Variants in SH3PXD2A observed in about 807,000 individuals in gnomAD.
SH3PXD2A encodes the protein SH3 and PX domains 2A, also known as SH3 and PX domain-containing protein 2A.
In SH3PXD2A, 32 loss-of-function variants were observed where a neutral mutation model predicts 115.2. The observed-to-expected ratio is 0.28, with a 90% CI of 0.21 to 0.37. SH3PXD2A has a LOEUF of 0.37. Among genes scored for constraint, SH3PXD2A ranks in the 10% least tolerant of loss-of-function variants. The pLI is 1.00. For synonymous variants in SH3PXD2A, 610 were observed against 629.1 expected, an observed-to-expected ratio of 0.97 and a Z score of 0.45; for missense variants, 1,328 against 1,498.7, an observed-to-expected ratio of 0.89 and a Z score of 1.88.
At chr10:103,845,008 C>T (rs1191951458) in intron 1 of SH3PXD2A, among the ~76,000 whole-genome samples, 4 of 152,076 alleles carry the variant, frequency 2.6e-5, no homozygotes, top group Admixed American at 1.3e-4. Flanking sequence ...AGATACAGGT[C>T]ATAAAGACCT....
At chr10:103,764,805 G>T (rs1378029224) in intron 3 of SH3PXD2A, among the ~76,000 whole-genome samples, 1 of 152,166 alleles carries the variant, frequency 6.6e-6, no homozygotes, top group Non-Finnish European at 1.5e-5. Context: ...GACAGCTCTG[G>T]TGTGGGCTGT....
chr10:103,729,269 GC>G (rs1012520139), intron 4 of SH3PXD2A, among the ~76,000 whole-genome samples: 2 of 152,154 alleles, frequency 1.3e-5, no homozygotes, highest in Non-Finnish European at 2.9e-5. Context: ...CCTGCCTCTA[GC>G]TTTACCCACA....
At chr10:103,751,601 C>T (rs907722448) in intron 3 of SH3PXD2A, among the ~76,000 whole-genome samples, 9 of 152,204 alleles carry the variant, frequency 5.9e-5, no homozygotes, top group Non-Finnish European at 1.0e-4. Context: ...GGTTCTTGCT[C>T]TTCAAAATCT....
At chr10:103,685,185 A>G (rs2134114125) in intron 6 of SH3PXD2A, among the ~76,000 whole-genome samples, 1 of 152,094 alleles carries the variant, frequency 6.6e-6, no homozygotes, top group Non-Finnish European at 1.5e-5. Context: ...TAAAAATACA[A>G]AAAATTAGCT....
rs2036140942 is a variant in SH3PXD2A, at chr10:103,596,684, C to CTCTCTT, written c.*5131_*5132insAAGAGA. On this transcript the variant is annotated 3_prime_UTR_variant, in exon 15 of 15. Transcript: ENST00000369774. ...ACACACTCTCTCTCTCTCTCTCTCT[C>CTCTCTT]TCACAACACATGGCCCTCAAAAAAG... 7.3e-6 allele frequency: 1 copy of CTCTCTT among 136,514 alleles called. No homozygotes were observed. Among genetic ancestry groups the CTCTCTT allele is most frequent in the South Asian group, 2.9e-4 (1 of 3,442 alleles). The allele number at this position is 136,514 out of a possible 1,614,324, so 8.5% of individuals were successfully genotyped here.
chr10:103,764,852 C>T (rs1408803973), intron 3 of SH3PXD2A, among the ~76,000 whole-genome samples: 2 of 152,164 alleles, frequency 1.3e-5, no homozygotes, highest in African/African-American at 4.8e-5. Flanking sequence ...AGTCTATTAG[C>T]CTCCCTTGGC....
At chr10:103,608,447 A>AAAAAAAG (rs2036371100) in intron 13 of SH3PXD2A, among the ~76,000 whole-genome samples, 1 of 150,112 alleles carries the variant, frequency 6.7e-6, no homozygotes, top group African/African-American at 2.5e-5. Flanking sequence ...AAAAAAAAAA[A>AAAAAAAG]AAAGAAAAAT....
At chr10:103,605,628 C>T (rs1012867054) in intron 14 of SH3PXD2A, among the ~76,000 whole-genome samples, 170 bp downstream of exon 14, 3 of 152,166 alleles carry the variant, frequency 2.0e-5, no homozygotes, top group Non-Finnish European at 4.4e-5. Flanking sequence ...TAGTTTAGGC[C>T]ATGGCACTGG....
intron 3 of SH3PXD2A, among the ~76,000 whole-genome samples, chr10:103,737,901 G>A (rs1026408246): frequency 1.3e-5 from 2 of 152,236 alleles, no homozygotes; most frequent in African/African-American, 4.8e-5. Flanking sequence ...AGTGGAACGT[G>A]TAACTGCATC....
intron 5 of SH3PXD2A, among the ~76,000 whole-genome samples, chr10:103,723,048 C>T (rs1467339711): frequency 6.6e-6 from 1 of 152,188 alleles, no homozygotes; most frequent in Non-Finnish European, 1.5e-5. Flanking sequence ...ACATATTCTA[C>T]AACCTCATGG....
intron 3 of SH3PXD2A, among the ~76,000 whole-genome samples, chr10:103,745,191 C>G (rs2038487816): frequency 6.6e-6 from 1 of 152,226 alleles, no homozygotes; most frequent in African/African-American, 2.4e-5. Flanking sequence ...TGGGGGAAGC[C>G]TATCAGAGAA....
Position 103,661,073 on chromosome 10 carries a change from C to T in SH3PXD2A, c.514G>A (p.Val172Met), listed in dbSNP as rs754292436. The change falls in exon 8 of 15, where the codon GTG becomes ATG. Residue 172 changes from valine (V) to methionine (M), a missense_variant. By Grantham distance (21) the Val-to-Met change is conservative (BLOSUM62 1). Transcript: ENST00000369774. ...TGCTTCTTATAGTTGGACACCACCA[C>T]GTACTGTTCCAGGATCATGGGCTCG... ...TAEPMILEQY[V>M]VVSNYKKQEN... 5.6e-6 allele frequency: 9 copies of T among 1,614,106 alleles called. No individual in the cohort carries two copies. The highest frequency in any genetic ancestry group is 5.0e-5 in the Admixed American group (3 of 60,030).
chr10:103,646,275 T>C (rs927288541), intron 8 of SH3PXD2A, among the ~76,000 whole-genome samples: 1 of 152,050 alleles, frequency 6.6e-6, no homozygotes, highest in East Asian at 1.9e-4. Flanking sequence ...CCTTCCTGTC[T>C]CTTTTGCCTC....
chr10:103,754,357 C>T (rs2134209032), intron 3 of SH3PXD2A: 1 of 152,286 alleles, frequency 6.6e-6, no homozygotes, highest in Middle Eastern at 3.4e-3. Flanking sequence ...GAGTGTGCCA[C>T]CATGCTTGGC....
chr10:103,756,360 G>A lies in SH3PXD2A; in HGVS notation c.229+10734C>T, dbSNP rs1227549659. 2.0e-5 allele frequency among the ~76,000 whole-genome samples: 3 copies of A among 152,122 alleles called. No homozygotes were observed. Among genetic ancestry groups the A allele is most frequent in the Non-Finnish European group, 4.4e-5 (3 of 68,014 alleles). ...GCGGGATTAGGCCAGGGACACTGTG[G>A]GAGTTTATCTCTTCCAGTGCCCCTC... is the stretch of plus-strand genomic sequence containing the variant. On this transcript the variant is annotated intron_variant, in intron 3 of 14. Transcript: ENST00000369774. The surrounding 1 kb of genome is among the most constrained non-coding windows in gnomAD (Gnocchi z 4.4).
At chr10:103,685,183 CA>C (rs1220282576) in intron 6 of SH3PXD2A, among the ~76,000 whole-genome samples, 1 of 151,770 alleles carries the variant, frequency 6.6e-6, no homozygotes, top group Non-Finnish European at 1.5e-5. Flanking sequence ...ACTAAAAATA[CA>C]AAAAATTAGC....
At chr10:103,653,148 T>C (rs1026562630) in intron 8 of SH3PXD2A, among the ~76,000 whole-genome samples, 1 of 152,202 alleles carries the variant, frequency 6.6e-6, no homozygotes, top group Non-Finnish European at 1.5e-5. Context: ...CTTGGTTTAC[T>C]TGTCACATGT....
chr10:103,752,879 T>G (rs1249666438), intron 3 of SH3PXD2A, among the ~76,000 whole-genome samples: 1 of 152,232 alleles, frequency 6.6e-6, no homozygotes, highest in Non-Finnish European at 1.5e-5. Flanking sequence ...ATGCCTGCAA[T>G]TCCAGCATCT....
intron 7 of SH3PXD2A, among the ~76,000 whole-genome samples, chr10:103,663,170 A>T (rs1282950343): frequency 6.6e-6 from 1 of 152,190 alleles, no homozygotes; most frequent in Non-Finnish European, 1.5e-5. Flanking sequence ...TGGCTACAAA[A>T]ATTGCTGAGG....
Sources: gnomAD v4.1 joint callset for allele counts (sites outside exome capture counted in the v4.1 genomes callset) on GRCh38, gnomAD v4.1.1 for gene constraint, Gnocchi (gnomAD v3.1) non-coding constraint, MANE v1.5 for transcripts, NCBI Gene and HGNC (gene_info 2026-07-23, HGNC 2026-07-21) for gene names.